Variants in CRKL observed in about 807,000 individuals in gnomAD.
The protein encoded by CRKL is CRK like proto-oncogene, adaptor protein, also known as crk-like protein.
In CRKL, 3 loss-of-function variants were observed where a neutral mutation model predicts 23.0. The ratio of observed to expected loss-of-function variants is 0.13; its 90% CI spans 0.06 to 0.34. The LOEUF is 0.34. CRKL is among the 10% of genes least tolerant of loss of function. The probability of loss-of-function intolerance (pLI) is 1.00; values close to 1 mark genes in which losing one functional copy is unlikely to be tolerated. For missense variants in CRKL, 256 were observed against 394.5 expected (o/e 0.65, Z 2.97); for synonymous variants, 188 against 160.7 (o/e 1.17, Z -1.28).
chr22:20,943,388 C>T (rs1921945744), intron 2 of CRKL, among the ~76,000 whole-genome samples: 1 of 152,056 alleles, frequency 6.6e-6, no homozygotes, highest in Non-Finnish European at 1.5e-5. Flanking sequence ...TACAGGCACT[C>T]ACCACCATAC....
chr22:20,926,521 C>T (rs1416829994), intron 1 of CRKL, among the ~76,000 whole-genome samples: 1 of 152,048 alleles, frequency 6.6e-6, no homozygotes, highest in Non-Finnish European at 1.5e-5. Flanking sequence ...GTGCGTGATT[C>T]TTTTCAACAG....
At chr22:20,920,205 C>G (rs969474450) in intron 1 of CRKL, among the ~76,000 whole-genome samples, 1 of 151,970 alleles carries the variant, frequency 6.6e-6, no homozygotes, top group Admixed American at 6.6e-5. Context: ...ACAGCTGTTT[C>G]AAAAAGCAAG....
rs532930393 is a variant in CRKL, at chr22:20,927,192, ATT to A, written c.312-6570_312-6569del. Among the ~76,000 whole-genome samples, 15 of 81,966 alleles carry A rather than the reference ATT, an allele frequency of 1.8e-4. 1 individual carries two copies. Among genetic ancestry groups the A allele is most frequent in the Admixed American group, 1.9e-4 (1 of 5,202 alleles). The allele number at this position is 81,966 out of a possible 152,430, so 53.8% of individuals were successfully genotyped here. A position where few individuals can be genotyped will look rare whatever the true frequency, so the allele number is the denominator to read the frequency against. ...AGTACTTAGCTCATCTTGGAATTGAATTTTTTTTTTTTTTTTTTGAGACAGTG... is the reference window on the plus strand; with the variant it reads ...AGTACTTAGCTCATCTTGGAATTGAATTTTTTTTTTTTTTTTGAGACAGTG... On this transcript the variant is annotated intron_variant, in intron 1 of 2. Coordinates refer to ENST00000354336, the MANE Select transcript of CRKL (RefSeq NM_005207.4).
chr22:20,927,352 G>A (rs960517678), intron 1 of CRKL, among the ~76,000 whole-genome samples: 14 of 148,542 alleles, frequency 9.4e-5, no homozygotes, highest in East Asian at 6.5e-4. Flanking sequence ...CACCATGCCC[G>A]GCTAATTTTT....
At chr22:20,940,588 G>GC (rs1295536809) in intron 2 of CRKL, among the ~76,000 whole-genome samples, 5 of 80,042 alleles carry the variant, frequency 6.2e-5, no homozygotes, top group Non-Finnish European at 1.0e-4. Flanking sequence ...TTTTTTTTTG[G>GC]CATTTTTTTT....
chr22:20,933,685 T>C (rs1921548219), intron 1 of CRKL, 94 bp from the exon 2 acceptor site: 8 of 1,058,908 alleles, frequency 7.6e-6, no homozygotes, highest in Non-Finnish European at 1.1e-5. Flanking sequence ...AGGAAAATAA[T>C]TTATTATAGA....
rs1320227571 is a variant in CRKL at position 20,950,822 on chromosome 22, A to C, written c.*977A>C. 4.3e-6 allele frequency: 1 copy of C among 230,200 alleles called. No homozygotes were observed. Among genetic ancestry groups the C allele is most frequent in the Non-Finnish European group, 8.6e-6 (1 of 116,282 alleles). The allele number at this position is 230,200 out of a possible 1,614,324, so 14.3% of individuals were successfully genotyped here. On this transcript the variant is annotated 3_prime_UTR_variant, in exon 3 of 3. Transcript: ENST00000354336. Reference sequence around the variant, plus strand: ...AAACTGAAGCTGCTGTAACTAAAGGAATCTGAAAAGAACAACCCTGAAGCA... The same window carrying C: ...AAACTGAAGCTGCTGTAACTAAAGGCATCTGAAAAGAACAACCCTGAAGCA...
At position 20,917,783 on chromosome 22, in the gene CRKL, C is replaced by T. The variant is rs2147890963; in HGVS notation, c.-152C>T. The T allele has an allele frequency of 5.4e-6, 4 of 741,282 alleles. No individual in the cohort carries two copies. The highest frequency in any genetic ancestry group is 6.4e-6 in the Non-Finnish European group (3 of 468,624). 45.9% of individuals were successfully genotyped at this position (741,282 alleles called of 1,614,324 possible). On this transcript the variant is annotated 5_prime_UTR_variant, in exon 1 of 3. The change creates a premature stop within an existing upstream ORF in the 5' untranslated region. Transcript: ENST00000354336. Reference sequence around the variant, plus strand: ...TCGGAGGATGCTGCGGGCCCGGAGCCGAGAGGAAAGTGCTGGCCCAGCCCT... The same window carrying T: ...TCGGAGGATGCTGCGGGCCCGGAGCTGAGAGGAAAGTGCTGGCCCAGCCCT...
At position 20,935,637 on chromosome 22, in the gene CRKL, C is replaced by T. The variant is rs185328392; in HGVS notation, c.777+1393C>T. ...CGCCTCCTGAGTTCAAGTGATTCTC[C>T]TGCCTCAGCCTCCCGAGTAGCGGGG... On this transcript the variant is annotated intron_variant, in intron 2 of 2. Transcript: ENST00000354336. Among the ~76,000 whole-genome samples the T allele has an allele frequency of 2.7e-3, 403 of 151,892 alleles. 1 individual carries two copies. Among genetic ancestry groups the T allele is most frequent in the African/African-American group, 9.3e-3 (384 of 41,410 alleles).
intron 2 of CRKL, among the ~76,000 whole-genome samples, chr22:20,938,583 G>GA (rs1488055088): frequency 1.3e-5 from 2 of 152,212 alleles, no homozygotes; most frequent in African/African-American, 4.8e-5. Context: ...TTTGAGTCAT[G>GA]AAACAGCCAG....
At chr22:20,937,672 G>C (rs1026967351) in intron 2 of CRKL, among the ~76,000 whole-genome samples, 8 of 151,448 alleles carry the variant, frequency 5.3e-5, no homozygotes, top group Admixed American at 4.6e-4. Context: ...ATAGTTCCTA[G>C]TCTCTCTGGC....
intron 2 of CRKL, among the ~76,000 whole-genome samples, chr22:20,941,202 C>G (rs1460763175): frequency 1.3e-5 from 2 of 152,044 alleles, no homozygotes; most frequent in African/African-American, 2.4e-5. Flanking sequence ...GAAAGGCCCA[C>G]AAGTTAGCAT....
rs1922270213 is a variant in CRKL, at chr22:20,951,383, ACT to A, written c.*1539_*1540del. The stretch of plus-strand genomic sequence containing the variant: ...ACCATTAACTAGTTTATCATTAACC[ACT>A]TATCAGTGTATTGATGTTAAAGCAT... On this transcript the variant is annotated 3_prime_UTR_variant, in exon 3 of 3. Coordinates refer to ENST00000354336, the MANE Select transcript of CRKL (RefSeq NM_005207.4). 4.3e-6 allele frequency: 1 copy of A among 231,228 alleles called. No homozygotes were observed. The highest frequency in any genetic ancestry group is 8.6e-6 in the Non-Finnish European group (1 of 116,938). 14.3% of individuals were successfully genotyped at this position (231,228 alleles called of 1,614,324 possible).
At chr22:20,939,789 CTTTT>C (rs57712024) in intron 2 of CRKL, among the ~76,000 whole-genome samples, 7 of 128,330 alleles carry the variant, frequency 5.5e-5, no homozygotes, top group Non-Finnish European at 8.3e-5. Context: ...TCTCTGAATC[CTTTT>C]TTTTTTTTTT....
chr22:20,934,345 T>A, intron 2 of CRKL, 101 bp downstream of exon 2: 1 of 1,050,266 alleles, frequency 9.5e-7, no homozygotes, highest in Non-Finnish European at 1.4e-6. Context: ...TTCATGGAAT[T>A]AGAGCACTGG....
Position 20,917,533 on chromosome 22 carries a change from T to A in CRKL, c.-402T>A, listed in dbSNP as rs1929734109. On this transcript the variant is annotated 5_prime_UTR_variant, in exon 1 of 3. Coordinates refer to ENST00000354336, the MANE Select transcript of CRKL (RefSeq NM_005207.4). ...CCGGAGGCGCGACGCTCCTTCGAGTTCGGTGCCTCGTGTGACGGCGGGGGT... is the reference window on the plus strand; with the variant it reads ...CCGGAGGCGCGACGCTCCTTCGAGTACGGTGCCTCGTGTGACGGCGGGGGT... 3.7e-6 allele frequency: 1 copy of A among 269,842 alleles called. No homozygotes were observed. The highest frequency in any genetic ancestry group is 2.2e-5 in the African/African-American group (1 of 46,210). The allele number at this position is 269,842 out of a possible 1,614,324, so 16.7% of individuals were successfully genotyped here. A position where few individuals can be genotyped will look rare whatever the true frequency, so the allele number is the denominator to read the frequency against.
At chr22:20,922,567 TGAAG>T (rs1032376220) in intron 1 of CRKL, among the ~76,000 whole-genome samples, 8 of 152,148 alleles carry the variant, frequency 5.3e-5, no homozygotes, top group African/African-American at 1.7e-4. Flanking sequence ...TGGGTGGGGA[TGAAG>T]GGAAAGGGAA....
intron 2 of CRKL, among the ~76,000 whole-genome samples, chr22:20,938,425 G>A (rs1480592440): frequency 6.6e-6 from 1 of 152,186 alleles, no homozygotes; most frequent in Non-Finnish European, 1.5e-5. Context: ...GAGCTTGTGT[G>A]ATGAGACTAA....
intron 1 of CRKL, among the ~76,000 whole-genome samples, chr22:20,920,729 T>G (rs542861056): frequency 1.3e-5 from 2 of 152,016 alleles, no homozygotes; most frequent in Admixed American, 1.3e-4. Flanking sequence ...TACTCATACC[T>G]TTGTACCTTT....
Sources: allele counts gnomAD v4.1 joint callset (sites outside exome capture counted in the v4.1 genomes callset), GRCh38; gene constraint gnomAD v4.1.1; transcripts MANE v1.5; gene names NCBI Gene and HGNC (gene_info 2026-07-23, HGNC 2026-07-21).